Variants in PPM1L observed in about 807,000 individuals in gnomAD.
PPM1L encodes protein phosphatase, Mg2+/Mn2+ dependent 1L.
PPM1L carries 13 observed loss-of-function variants against 31.4 expected under a neutral mutation model. The observed-to-expected ratio is 0.41, with a 90% CI of 0.27 to 0.66. The LOEUF (loss-of-function observed/expected upper bound fraction) is 0.66, where lower values mean the gene tolerates loss of function less well. Ranked by LOEUF, PPM1L falls within the 30% of genes least tolerant of loss-of-function variation. The pLI is 0.29. For synonymous variants in PPM1L, 184 were observed against 175.4 expected (o/e 1.05, Z -0.39); for missense variants, 326 against 453.7 (o/e 0.72, Z 2.56).
At chr3:160,960,555 G>GTTTT (rs1284549193) in intron 1 of PPM1L, among the ~76,000 whole-genome samples, 1 of 103,220 alleles carries the variant, frequency 9.7e-6, no homozygotes, top group African/African-American at 4.6e-5. Flanking sequence ...TTTTTTAGCA[G>GTTTT]TTTTGTGTGT....
chr3:160,809,507 C>G (rs1409132952), intron 1 of PPM1L, among the ~76,000 whole-genome samples: 5 of 152,290 alleles, frequency 3.3e-5, no homozygotes, highest in African/African-American at 7.2e-5. Flanking sequence ...TATTTCCAGA[C>G]AGATGACCTC....
intron 1 of PPM1L, among the ~76,000 whole-genome samples, chr3:160,905,917 T>C (rs538667377): frequency 1.6e-4 from 25 of 152,154 alleles, no homozygotes; most frequent in Non-Finnish European, 3.5e-4. Context: ...TAATTGCTCA[T>C]TTAAACCTTT....
intron 1 of PPM1L, among the ~76,000 whole-genome samples, chr3:160,869,380 C>T (rs766721998): frequency 3.9e-5 from 6 of 152,064 alleles, no homozygotes; most frequent in Non-Finnish European, 8.8e-5. Context: ...CATCATTATC[C>T]CTTTTCACTA....
At chr3:160,962,288 T>TG (rs1341662589) in intron 2 of PPM1L, among the ~76,000 whole-genome samples, 1 of 151,992 alleles carries the variant, frequency 6.6e-6, no homozygotes, top group Non-Finnish European at 1.5e-5. Context: ...AAAGAGGTAT[T>TG]TTTTTTTCTC....
intron 1 of PPM1L, among the ~76,000 whole-genome samples, chr3:160,945,102 T>TAA (rs1382707463): frequency 7.2e-6 from 1 of 138,530 alleles, no homozygotes; most frequent in African/African-American, 2.8e-5. Flanking sequence ...ATGTTATATA[T>TAA]AACATATATG....
intron 1 of PPM1L, among the ~76,000 whole-genome samples, chr3:160,842,770 A>G (rs1713924608): frequency 1.3e-5 from 2 of 152,138 alleles, no homozygotes. Context: ...CCAGATTGTC[A>G]CAGATTTTGA....
At chr3:160,997,140 A>G (rs1005092064) in intron 2 of PPM1L, among the ~76,000 whole-genome samples, 1 of 152,114 alleles carries the variant, frequency 6.6e-6, no homozygotes, top group African/African-American at 2.4e-5. Flanking sequence ...TTTTCAAACA[A>G]AGATTTCTGA....
At chr3:161,007,567 C>G (rs931820511) in intron 2 of PPM1L, among the ~76,000 whole-genome samples, 29 of 152,348 alleles carry the variant, frequency 1.9e-4, no homozygotes, top group African/African-American at 6.0e-4. Context: ...GACCTGCAGT[C>G]TGCATGCAGC....
At chr3:160,989,381 A>G (rs1268813935) in intron 2 of PPM1L, among the ~76,000 whole-genome samples, 2 of 151,574 alleles carry the variant, frequency 1.3e-5, no homozygotes, top group Non-Finnish European at 2.9e-5. Context: ...CGATTATTTT[A>G]TTTATTATTT....
chr3:160,851,204 G>A (rs1711509959), intron 1 of PPM1L, among the ~76,000 whole-genome samples: 2 of 152,070 alleles, frequency 1.3e-5, no homozygotes, highest in Admixed American at 6.6e-5. Flanking sequence ...AAAACCAGAG[G>A]GGTAGCTCCT....
intron 1 of PPM1L, among the ~76,000 whole-genome samples, chr3:160,764,514 TGG>T (rs1480729261): frequency 6.6e-6 from 1 of 151,772 alleles, no homozygotes; most frequent in African/African-American, 2.4e-5. Flanking sequence ...TGTCCCAGGC[TGG>T]AGTGCAATGG....
At position 160,779,003 on chromosome 3, in the gene PPM1L, CTACAG is replaced by C. The variant is rs1238033528; in HGVS notation, c.399+22299_399+22303del. 4.6e-5 allele frequency among the ~76,000 whole-genome samples: 7 copies of C among 151,138 alleles called. No homozygotes were observed. The South Asian group carries it at 1.5e-3, about 32-fold the overall frequency. ...AGTTGGTCTGTTTACTGTAGGTTTT[CTACAG>C]TAAACAGTCTAAAAATGCTTTGTTT... On this transcript the variant is annotated intron_variant, in intron 1 of 3. Transcript: ENST00000498165.
chr3:160,816,986 G>A (rs1713016592), intron 1 of PPM1L, among the ~76,000 whole-genome samples: 1 of 151,992 alleles, frequency 6.6e-6, no homozygotes, highest in Non-Finnish European at 1.5e-5. Context: ...ATAAATTCTT[G>A]CTGGTAACAT....
intron 2 of PPM1L, among the ~76,000 whole-genome samples, chr3:161,051,260 C>T (rs1719268317): frequency 6.6e-6 from 1 of 152,030 alleles, no homozygotes; most frequent in Non-Finnish European, 1.5e-5. Flanking sequence ...CAGTAAGTGC[C>T]TTGCGGGTAA....
At chr3:160,799,874 G>A (rs1712373732) in intron 1 of PPM1L, among the ~76,000 whole-genome samples, 1 of 151,994 alleles carries the variant, frequency 6.6e-6, no homozygotes, top group African/African-American at 2.4e-5. Context: ...ATGCTTCTCA[G>A]TATCTATTGA....
chr3:161,061,632 C>T (rs1264965415), intron 2 of PPM1L, among the ~76,000 whole-genome samples: 2 of 152,144 alleles, frequency 1.3e-5, no homozygotes, highest in African/African-American at 4.8e-5. Flanking sequence ...GTAGCATTTA[C>T]ATTATAGATT....
At chr3:161,047,198 C>G (rs1719110077) in intron 2 of PPM1L, among the ~76,000 whole-genome samples, 3 of 152,228 alleles carry the variant, frequency 2.0e-5, no homozygotes, top group Admixed American at 1.3e-4. Flanking sequence ...ACCCCGTCAT[C>G]TCAGCCCAAA....
intron 1 of PPM1L, among the ~76,000 whole-genome samples, chr3:160,813,714 A>G (rs921895546): frequency 7.2e-5 from 11 of 152,194 alleles, no homozygotes; most frequent in Admixed American, 5.2e-4. Context: ...TAATCCTCTC[A>G]TACTTCTATA....
At chr3:160,828,599 G>C (rs1189100704) in intron 1 of PPM1L, among the ~76,000 whole-genome samples, 1 of 152,092 alleles carries the variant, frequency 6.6e-6, no homozygotes, top group Non-Finnish European at 1.5e-5. Context: ...GGGCTAGCAA[G>C]TATTGCTGGG....
Sources: gnomAD v4.1 joint callset for allele counts (sites outside exome capture counted in the v4.1 genomes callset) on GRCh38, gnomAD v4.1.1 for gene constraint, MANE v1.5 for transcripts, NCBI Gene and HGNC (gene_info 2026-07-23, HGNC 2026-07-21) for gene names.